BCL2L1: variants seen among roughly 807,000 people sequenced by gnomAD.
BCL2L1 encodes bcl-2-like protein 1.
In BCL2L1, 1 loss-of-function variant was observed where a neutral mutation model predicts 18.7. The ratio of observed to expected loss-of-function variants is 0.05; its 90% CI spans 0.02 to 0.25. The LOEUF (loss-of-function observed/expected upper bound fraction) is 0.25. Among genes scored for constraint, BCL2L1 ranks in the 10% least tolerant of loss-of-function variants. The pLI, the probability that BCL2L1 is intolerant of heterozygous loss-of-function variation, is 1.00. For synonymous variants in BCL2L1, 103 were observed against 122.7 expected (o/e 0.84, Z 1.06); for missense variants, 207 against 304.9 (o/e 0.68, Z 2.39).
chr20:31,706,044 C>T (rs920875118), intron 2 of BCL2L1, among the ~76,000 whole-genome samples: 2 of 152,170 alleles, frequency 1.3e-5, no homozygotes, highest in Non-Finnish European at 2.9e-5. Flanking sequence ...ACCCCTAGGG[C>T]TCCAACTGAA....
intron 2 of BCL2L1, among the ~76,000 whole-genome samples, chr20:31,682,317 A>G (rs2060878387): frequency 6.6e-6 from 1 of 152,184 alleles, no homozygotes; most frequent in African/African-American, 2.4e-5. Context: ...TGTGAATGGG[A>G]GACTATGTGG....
At chr20:31,685,639 A>T (rs1354749133) in intron 2 of BCL2L1, among the ~76,000 whole-genome samples, 2 of 152,098 alleles carry the variant, frequency 1.3e-5, no homozygotes, top group African/African-American at 2.4e-5. Flanking sequence ...CACGGGCCTC[A>T]CTTTTCTCAT....
intron 2 of BCL2L1, among the ~76,000 whole-genome samples, chr20:31,689,948 C>T (rs1252144328): frequency 1.3e-5 from 2 of 152,166 alleles, no homozygotes; most frequent in African/African-American, 4.8e-5. Flanking sequence ...ACCCAGGAGG[C>T]GGAGGTTGCG....
intron 2 of BCL2L1, among the ~76,000 whole-genome samples, chr20:31,719,262 A>G (rs959314257): frequency 9.2e-5 from 14 of 152,192 alleles, no homozygotes; most frequent in African/African-American, 3.1e-4. Flanking sequence ...CAGGTACTCA[A>G]TAAAGACTAA....
chr20:31,678,546 A>G (rs2060800387), intron 2 of BCL2L1, among the ~76,000 whole-genome samples: 1 of 152,222 alleles, frequency 6.6e-6, no homozygotes, highest in African/African-American at 2.4e-5. Context: ...TCCAGTAATT[A>G]GTGTGTAAAT....
chr20:31,683,244 A>G (rs536371508), intron 2 of BCL2L1, among the ~76,000 whole-genome samples: 1 of 152,302 alleles, frequency 6.6e-6, no homozygotes, highest in Non-Finnish European at 1.5e-5. Context: ...TTCCTCAAAC[A>G]TGCCAGGCAC....
In BCL2L1 at chr20:31,681,129, G is replaced by T. The variant is rs566666259; in HGVS notation, c.565-15043C>A. 2.6e-5 allele frequency among the ~76,000 whole-genome samples: 4 copies of T among 152,336 alleles called. No individual in the cohort carries two copies. In the East Asian group the frequency reaches 7.7e-4, roughly 29 times the overall value. ...GGTAGCCAAGGGCCCGATTGTGTGG[G>T]GCCTGGTAGGCCATTTAAAGACTTG... On this transcript the variant is annotated intron_variant, in intron 2 of 2. Coordinates refer to ENST00000307677, the MANE Select transcript of BCL2L1 (RefSeq NM_138578.3).
intron 2 of BCL2L1, among the ~76,000 whole-genome samples, chr20:31,700,185 G>T (rs946230357): frequency 2.0e-5 from 3 of 152,210 alleles, no homozygotes; most frequent in African/African-American, 7.2e-5. Flanking sequence ...TCAGCATGTA[G>T]CACAGGGCCT....
chr20:31,670,824 C>T lies in BCL2L1; in HGVS notation c.565-4738G>A, dbSNP rs1473404837. On this transcript the variant is annotated intron_variant, in intron 2 of 2. Coordinates refer to ENST00000307677, the MANE Select transcript of BCL2L1 (RefSeq NM_138578.3). Reference sequence around the variant, plus strand: ...GTGGGTATATTTAGCCCATGGTTCACACGACACACTTGGAAATAAACAGAG... The same window carrying T: ...GTGGGTATATTTAGCCCATGGTTCATACGACACACTTGGAAATAAACAGAG... Among the ~76,000 whole-genome samples the T allele has an allele frequency of 2.6e-5, 4 of 152,140 alleles. No individual in the cohort carries two copies. In the South Asian group the frequency reaches 6.2e-4, roughly 24 times the overall value.
chr20:31,692,065 T>C (rs2061084399), intron 2 of BCL2L1, among the ~76,000 whole-genome samples: 1 of 152,036 alleles, frequency 6.6e-6, no homozygotes, highest in Non-Finnish European at 1.5e-5. Context: ...GGACCAAGAG[T>C]GGCAGCATCA....
intron 2 of BCL2L1, among the ~76,000 whole-genome samples, chr20:31,687,632 G>A (rs2060982335): frequency 1.4e-5 from 2 of 141,810 alleles, no homozygotes; most frequent in African/African-American, 5.3e-5. Context: ...AGCCAAGATT[G>A]CCACTCCACT....
chr20:31,699,089 C>T (rs1048024536), intron 2 of BCL2L1, among the ~76,000 whole-genome samples: 7 of 152,198 alleles, frequency 4.6e-5, no homozygotes, highest in African/African-American at 7.2e-5. Context: ...AAGAGGGAGT[C>T]GGGGAGGGCC....
intron 2 of BCL2L1, among the ~76,000 whole-genome samples, chr20:31,687,644 C>T (rs1309586402): frequency 6.7e-6 from 1 of 149,178 alleles, no homozygotes; most frequent in Admixed American, 6.7e-5. Context: ...CACTCCACTC[C>T]TCCAGCTTGG....
At chr20:31,707,577 G>C (rs1225327089) in intron 2 of BCL2L1, among the ~76,000 whole-genome samples, 2 of 151,912 alleles carry the variant, frequency 1.3e-5, no homozygotes, top group Non-Finnish European at 2.9e-5. Flanking sequence ...TCAGGAGTTC[G>C]AGACCAGCCT....
rs144421102 is a variant in BCL2L1 at position 31,683,477 on chromosome 20, A to G, written c.565-17391T>C. 1.0e-3 allele frequency among the ~76,000 whole-genome samples: 157 copies of G among 152,202 alleles called. 2 individuals are homozygous for G. The highest frequency in any genetic ancestry group is 3.4e-3 in the Middle Eastern group (1 of 294). On this transcript the variant is annotated intron_variant, in intron 2 of 2. Transcript: ENST00000307677. ...CACTCTCTGTCCTCTTAGAATGTAA[A>G]CTTCATGATGGCCCGGCGCAGTGGC... is the stretch of plus-strand genomic sequence containing the variant.
rs2122872798 is a variant in BCL2L1 at position 31,721,776 on chromosome 20, C to A, written c.443G>T (p.Gly148Val). Residue 148 changes from glycine (G) to valine (V), a missense_variant, in exon 2 of 3, where the codon GGG becomes GTG. Physicochemically the swap from Gly to Val is moderately radical, Grantham distance 109. Coordinates refer to ENST00000307677, the MANE Select transcript of BCL2L1 (RefSeq NM_138578.3). ...GRIVAFFSFG[G>V]ALCVESVDKE... ...GTCTACGCTTTCCACGCACAGTGCCCCGCCGAAGGAGAAAAAGGCCACAAT... is the reference window on the plus strand; with the variant it reads ...GTCTACGCTTTCCACGCACAGTGCCACGCCGAAGGAGAAAAAGGCCACAAT... 6.2e-7 allele frequency: 1 copy of A among 1,614,126 alleles called. No homozygotes were observed. The highest frequency in any genetic ancestry group is 8.5e-7 in the Non-Finnish European group (1 of 1,180,026).
intron 2 of BCL2L1, among the ~76,000 whole-genome samples, chr20:31,706,089 G>A (rs148241007): frequency 1.4e-4 from 22 of 152,294 alleles, no homozygotes; most frequent in African/African-American, 5.3e-4. Context: ...ATTCTTCTGA[G>A]TAGCAGATGG....
chr20:31,714,685 T>C (rs560863051), intron 2 of BCL2L1, among the ~76,000 whole-genome samples: 2 of 152,136 alleles, frequency 1.3e-5, no homozygotes, highest in East Asian at 3.8e-4. Context: ...ACAAATTTCA[T>C]TTACTCAGAC....
intron 2 of BCL2L1, among the ~76,000 whole-genome samples, chr20:31,671,342 A>G (rs7272062): frequency 0.29 from 44,366 of 151,734 alleles, 8,179 homozygotes; most frequent in African/African-American, 0.51. Flanking sequence ...CCTTCTTCCA[A>G]TACTTCAAGA....
Sources: allele counts gnomAD v4.1 joint callset (sites outside exome capture counted in the v4.1 genomes callset), GRCh38; gene constraint gnomAD v4.1.1; transcripts MANE v1.5; gene names NCBI Gene and HGNC (gene_info 2026-07-23, HGNC 2026-07-21).